The following SPG7 variants were observed in gnomAD, a reference collection of about 807,000 sequenced individuals.
SPG7 encodes the protein SPG7 matrix AAA peptidase subunit, paraplegin.
SPG7 carries 103 observed loss-of-function variants against 81.9 expected under a neutral mutation model. The ratio of observed to expected loss-of-function variants is 1.26; its 90% CI spans 1.07 to 1.48. The LOEUF (loss-of-function observed/expected upper bound fraction) is 1.48, where lower values mean the gene tolerates loss of function less well. Among genes scored for constraint, SPG7 ranks in the 40% most tolerant of loss-of-function variants. SPG7 has a pLI of 0.00. For missense variants in SPG7, 1,241 were observed against 1,087.3 expected, an observed-to-expected ratio of 1.14 and a Z score of -1.99; for synonymous variants, 534 against 444.2, an observed-to-expected ratio of 1.20 and a Z score of -2.54.
At chr16:89,529,719 C>G in intron 6 of SPG7, 140 bp downstream of exon 6, 1 of 720,206 alleles carries the variant, frequency 1.4e-6, no homozygotes, top group Non-Finnish European at 2.5e-6. Context: ...CAGCAGCTCA[C>G]CTTCCTTTCC....
intron 11 of SPG7, chr16:89,546,987 T>G: frequency 1.9e-6 from 1 of 528,220 alleles, no homozygotes; most frequent in Admixed American, 2.8e-5. Flanking sequence ...CAGACGGTGG[T>G]TCCCGGTCTG....
chr16:89,528,234 C>T (rs748119696), intron 5 of SPG7, among the ~76,000 whole-genome samples: 66 of 150,786 alleles, frequency 4.4e-4, no homozygotes, highest in Non-Finnish European at 7.5e-4. Flanking sequence ...ACTAAAAATA[C>T]AAAAAAAATT....
In SPG7 at chr16:89,510,515, C is replaced by T; in HGVS notation, c.209C>T (p.Pro70Leu). 3 of 1,608,932 alleles carry T rather than the reference C, an allele frequency of 1.9e-6. No homozygotes were observed. The highest frequency in any genetic ancestry group is 2.5e-6 in the Non-Finnish European group (3 of 1,176,914). ...AGCTTACAATTGAGACTGCTAACCC[C>T]TACCTTTGAAGGGATCAACGGATTG... is the stretch of plus-strand genomic sequence containing the variant. ...LQSLQLRLLT[P>L]TFEGINGLLL... Residue 70 changes from proline to leucine, a missense_variant, in exon 2 of 17, where the codon CCT becomes CTT. Physicochemically the swap from Pro to Leu is moderately conservative, Grantham distance 98 (BLOSUM62 -3). Transcript: ENST00000645818.
At chr16:89,516,218 C>T (rs2058094415) in intron 3 of SPG7, among the ~76,000 whole-genome samples, 1 of 150,198 alleles carries the variant, frequency 6.7e-6, no homozygotes. Flanking sequence ...AAACTTCTCA[C>T]CTCAGGTGAT....
rs1433697104 is a variant in SPG7, at chr16:89,553,812, G to T, written c.1955G>T (p.Arg652Met). ...CCTCCAGGGGCACAGGACGACCTGAGGAAGGTCACCCGCATCGCCTACTCC... is the reference window on the plus strand; with the variant it reads ...CCTCCAGGGGCACAGGACGACCTGATGAAGGTCACCCGCATCGCCTACTCC... ...EVTSGAQDDLRKVTRIAYSMV... is the reference protein window; with the variant it reads ...EVTSGAQDDLMKVTRIAYSMV... Residue 652 changes from arginine (R) to methionine (M), a missense_variant, in exon 15 of 17, where the codon AGG becomes ATG. Transcript: ENST00000645818. 1 of 1,613,516 alleles carries T rather than the reference G, an allele frequency of 6.2e-7. No individual in the cohort carries two copies. The highest frequency in any genetic ancestry group is 8.5e-7 in the Non-Finnish European group (1 of 1,180,020).
intron 9 of SPG7, among the ~76,000 whole-genome samples, chr16:89,535,189 C>T (rs1440589824): frequency 1.3e-5 from 2 of 152,206 alleles, no homozygotes; most frequent in African/African-American, 2.4e-5. Context: ...TACAGTGTCG[C>T]TGCACCTGTC....
intron 2 of SPG7, 38 bp downstream of exon 2, chr16:89,510,630 C>T (rs778676690): frequency 8.0e-7 from 1 of 1,248,882 alleles, no homozygotes; most frequent in South Asian, 1.2e-5. Context: ...AGCATGACTG[C>T]ACACTTACCG....
At chr16:89,526,517 T>G (rs1426040904) in intron 5 of SPG7, 49 bp downstream of exon 5, 12 of 1,610,408 alleles carry the variant, frequency 7.5e-6, no homozygotes, top group Non-Finnish European at 1.0e-5. Flanking sequence ...AACTTGGCTT[T>G]GTAATCTGAG....
rs756406291 is a variant in SPG7 at position 89,513,058 on chromosome 16, T to TC, written c.376+22dup. ...CGAAGGTATATTCATCTGATGTTCT[T>TC]CAGTCAGTAGCTGCCTCTGGATGTC... On this transcript the variant is annotated intron_variant, in intron 3 of 16. Transcript: ENST00000645818. The TC allele has an allele frequency of 3.8e-6, 6 of 1,588,272 alleles. No homozygotes were observed. In the South Asian group the frequency reaches 6.7e-5, roughly 18 times the overall value.
Position 89,545,675 on chromosome 16 carries a change from G to A in SPG7, c.1449+903G>A, listed in dbSNP as rs891129635. On this transcript the variant is annotated intron_variant, in intron 10 of 16. Transcript: ENST00000645818. ...AGGGGACACGGCTTCTCCAGGGGAG[G>A]GCAGCTTCTCCAGGGGAGGGCGGCT... The A allele has an allele frequency of 8.2e-5, 22 of 268,286 alleles. No homozygotes were observed. The Admixed American group carries it at 1.2e-3, about 14-fold the overall frequency. 16.6% of individuals were successfully genotyped at this position (268,286 alleles called of 1,614,324 possible).
intron 9 of SPG7, chr16:89,540,836 C>T (rs149638134): frequency 0.033 from 30,894 of 930,482 alleles, 566 homozygotes; most frequent in Non-Finnish European, 0.036. Context: ...TAGGCTCACA[C>T]GAAATGCCTG....
intron 9 of SPG7, among the ~76,000 whole-genome samples, chr16:89,535,669 G>T (rs561338478): frequency 6.6e-6 from 1 of 152,210 alleles, no homozygotes; most frequent in Non-Finnish European, 1.5e-5. Flanking sequence ...GGAGAGACCC[G>T]TCCTCAGAGG....
chr16:89,547,123 G>A (rs368311503), intron 11 of SPG7: 1 of 302,290 alleles, frequency 3.3e-6, no homozygotes. Flanking sequence ...GACCCTCACG[G>A]TCTCTGTCAA....
chr16:89,523,484 A>G (rs2058217873), intron 3 of SPG7: 1 of 345,834 alleles, frequency 2.9e-6, no homozygotes, highest in South Asian at 2.2e-5. Context: ...GATATTTAGT[A>G]TTTGATCAAA....
At chr16:89,532,356 G>T in intron 8 of SPG7, 107 bp from the exon 9 acceptor site, 1 of 1,369,468 alleles carries the variant, frequency 7.3e-7, no homozygotes. Flanking sequence ...GAATGGAGCT[G>T]GTAGCTTTAG....
At chr16:89,547,626 A>C in intron 11 of SPG7, 1 of 271,390 alleles carries the variant, frequency 3.7e-6, no homozygotes, top group Non-Finnish European at 7.3e-6. Context: ...TTACTTATTT[A>C]TTTTGAGACA....
At chr16:89,508,808 G>A in intron 1 of SPG7, 1 of 699,080 alleles carries the variant, frequency 1.4e-6, no homozygotes, top group Non-Finnish European at 2.6e-6. Flanking sequence ...AAGAGGCAGG[G>A]CTGGGATCCG....
chr16:89,520,235 CTG>C (rs1220059141), intron 3 of SPG7: 2 of 153,226 alleles, frequency 1.3e-5, no homozygotes, highest in African/African-American at 4.8e-5. Flanking sequence ...GACCACAACA[CTG>C]AAGGCGTGGC....
At chr16:89,516,388 C>CAA (rs748844949) in intron 3 of SPG7, among the ~76,000 whole-genome samples, 1 of 136,792 alleles carries the variant, frequency 7.3e-6, no homozygotes, top group Admixed American at 7.4e-5. Flanking sequence ...CTAAAAATAC[C>CAA]AAAAAAAAAA....
Sources: gnomAD v4.1 joint callset for allele counts (sites outside exome capture counted in the v4.1 genomes callset) on GRCh38, gnomAD v4.1.1 for gene constraint, MANE v1.5 for transcripts, NCBI Gene and HGNC (gene_info 2026-07-23, HGNC 2026-07-21) for gene names.